RAD54L2: variants seen among roughly 807,000 people sequenced by gnomAD.
RAD54L2 encodes helicase ARIP4.
In RAD54L2, 27 loss-of-function variants were observed where a neutral mutation model predicts 138.4. The observed-to-expected ratio is 0.20, with a 90% confidence interval of 0.14 to 0.27. RAD54L2 has a LOEUF of 0.27. Among genes scored for constraint, RAD54L2 ranks in the 10% least tolerant of loss-of-function variants. RAD54L2 has a pLI of 1.00. For missense variants in RAD54L2, 1,396 were observed against 1,890.2 expected (o/e 0.74, Z 4.85); for synonymous variants, 644 against 723.2 (o/e 0.89, Z 1.76).
At position 51,577,051 on chromosome 3, in the gene RAD54L2, C is replaced by T. The variant is rs373426107; in HGVS notation, c.-54-13316C>T. On this transcript the variant is annotated intron_variant, in intron 2 of 22. Coordinates refer to ENST00000684192, the MANE Select transcript of RAD54L2 (RefSeq NM_015106.4). The stretch of plus-strand genomic sequence containing the variant: ...GAGATTCTGGTATGTTGTGTCTTTG[C>T]TCTCATTGGTTTCAAAGAACATCTT... Among the ~76,000 whole-genome samples, 32 of 152,224 alleles carry T rather than the reference C, an allele frequency of 2.1e-4. No homozygotes were observed. In the East Asian group the frequency reaches 5.2e-3, roughly 25 times the overall value.
chr3:51,635,854 A>G (rs761815710), intron 10 of RAD54L2, 65 bp downstream of exon 10: 16 of 1,438,242 alleles, frequency 1.1e-5, no homozygotes, highest in Non-Finnish European at 1.5e-5. Flanking sequence ...ATGTCTACTA[A>G]TAGCACCTAG....
Position 51,639,407 on chromosome 3 carries a change from C to T in RAD54L2, c.1861-12C>T. The T allele has an allele frequency of 6.2e-7, 1 of 1,612,948 alleles. No homozygotes were observed. Among genetic ancestry groups the T allele is most frequent in the Non-Finnish European group, 8.5e-7 (1 of 1,179,066 alleles). ...TTGTCCTGTGTCTCCTCTCCCTTTCCTTGAACCTCAGATCTGGAATCACCC... is the reference window on the plus strand; with the variant it reads ...TTGTCCTGTGTCTCCTCTCCCTTTCTTTGAACCTCAGATCTGGAATCACCC... On this transcript the variant is annotated splice_polypyrimidine_tract_variant and intron_variant, in intron 12 of 22. Coordinates refer to ENST00000684192, the MANE Select transcript of RAD54L2 (RefSeq NM_015106.4).
chr3:51,639,302 G>A (rs1559647850), intron 12 of RAD54L2, 117 bp from the exon 13 acceptor site: 2 of 1,268,790 alleles, frequency 1.6e-6, no homozygotes, highest in South Asian at 1.5e-5. Flanking sequence ...AATTTTTGGT[G>A]TGACAGTGTT....
Position 51,645,775 on chromosome 3 carries a change from G to A in RAD54L2, c.2829+12G>A, listed in dbSNP as rs774497360. ...ACCTCATCACCAAGGTAAGAACTTG[G>A]TATGCATGCAATCCCCAGAGTGGCA... On this transcript the variant is annotated intron_variant, in intron 18 of 22. Transcript: ENST00000684192. This position sits in a 1 kb window ranked among gnomAD's most constrained non-coding sequence, Gnocchi z 6.1. The A allele has an allele frequency of 6.3e-7, 1 of 1,599,416 alleles. No individual in the cohort carries two copies. Among genetic ancestry groups the A allele is most frequent in the Non-Finnish European group, 8.5e-7 (1 of 1,173,680 alleles).
intron 2 of RAD54L2, among the ~76,000 whole-genome samples, chr3:51,553,900 A>G (rs1394068403): frequency 2.0e-5 from 3 of 152,186 alleles, no homozygotes; most frequent in Non-Finnish European, 4.4e-5. Context: ...TATGTCTAAA[A>G]AAGCAATGTA....
intron 9 of RAD54L2, among the ~76,000 whole-genome samples, chr3:51,635,157 T>G (rs537224181): frequency 1.3e-5 from 2 of 152,330 alleles, no homozygotes; most frequent in South Asian, 4.1e-4. Flanking sequence ...TCTTTCCTCT[T>G]TACTGTTTGT....
At chr3:51,587,246 G>A (rs1441806400) in intron 2 of RAD54L2, among the ~76,000 whole-genome samples, 2 of 151,930 alleles carry the variant, frequency 1.3e-5, no homozygotes, top group Non-Finnish European at 2.9e-5. Flanking sequence ...GACTACAGGC[G>A]CCCGCCACCA....
chr3:51,659,528 G>T (rs945169196), intron 21 of RAD54L2, among the ~76,000 whole-genome samples: 6 of 152,200 alleles, frequency 3.9e-5, no homozygotes, highest in Non-Finnish European at 8.8e-5. Flanking sequence ...AGTGCCTTGT[G>T]GGAATAGAAT....
At chr3:51,633,222 AAAC>A (rs1329264122) in intron 7 of RAD54L2, among the ~76,000 whole-genome samples, 1 of 152,162 alleles carries the variant, frequency 6.6e-6, no homozygotes, top group Non-Finnish European at 1.5e-5. Context: ...TCTGTCTCAA[AAAC>A]AACAACAAAA....
intron 2 of RAD54L2, among the ~76,000 whole-genome samples, chr3:51,570,880 G>C (rs566472672): frequency 6.6e-6 from 1 of 152,150 alleles, no homozygotes; most frequent in East Asian, 1.9e-4. Flanking sequence ...GGAGTGCAAT[G>C]GCATGATCTT....
At chr3:51,615,001 A>ATTT (rs2106767248) in intron 3 of RAD54L2, among the ~76,000 whole-genome samples, 2 of 151,268 alleles carry the variant, frequency 1.3e-5, no homozygotes, top group African/African-American at 4.8e-5. Flanking sequence ...TAATTAATTA[A>ATTT]TATTTTATTT....
At chr3:51,628,117 C>G (rs1700736427) in intron 4 of RAD54L2, among the ~76,000 whole-genome samples, 1 of 152,164 alleles carries the variant, frequency 6.6e-6, no homozygotes, top group Admixed American at 6.5e-5. Flanking sequence ...GAGTTCTCAT[C>G]TTCTTAGACG....
At chr3:51,619,628 G>A (rs919726106) in intron 3 of RAD54L2, among the ~76,000 whole-genome samples, 3 of 151,882 alleles carry the variant, frequency 2.0e-5, no homozygotes, top group Non-Finnish European at 2.9e-5. Context: ...CTCAAATACA[G>A]TGTCATGGTT....
intron 2 of RAD54L2, among the ~76,000 whole-genome samples, chr3:51,565,527 G>C (rs1160287646): frequency 6.6e-6 from 1 of 152,190 alleles, no homozygotes; most frequent in Non-Finnish European, 1.5e-5. Flanking sequence ...CCACACTGGA[G>C]TGCAGTGGTG....
At chr3:51,636,337 A>G (rs1346661191) in intron 10 of RAD54L2, among the ~76,000 whole-genome samples, 2 of 152,154 alleles carry the variant, frequency 1.3e-5, no homozygotes, top group East Asian at 1.9e-4. Context: ...CTCTTCATCT[A>G]TGAGATTATG....
At chr3:51,605,740 C>T (rs1700167247) in intron 3 of RAD54L2, among the ~76,000 whole-genome samples, 1 of 152,198 alleles carries the variant, frequency 6.6e-6, no homozygotes, top group Admixed American at 6.6e-5. Flanking sequence ...GCATGGGTCA[C>T]TGCGCCCAGC....
At chr3:51,587,274 G>A (rs1027456550) in intron 2 of RAD54L2, among the ~76,000 whole-genome samples, 45 of 151,904 alleles carry the variant, frequency 3.0e-4, no homozygotes, top group African/African-American at 9.7e-4. Flanking sequence ...CTAATTTTTT[G>A]TATTTTTTAG....
chr3:51,648,410 A>C (rs920160969), intron 19 of RAD54L2, among the ~76,000 whole-genome samples: 13 of 152,260 alleles, frequency 8.5e-5, no homozygotes, highest in African/African-American at 1.2e-4. Flanking sequence ...CTGCAGACTT[A>C]AATGTTCCCC....
intron 2 of RAD54L2, 81 bp downstream of exon 2, chr3:51,541,731 C>T (rs536646687): frequency 1.1e-4 from 16 of 152,132 alleles, no homozygotes; most frequent in African/African-American, 3.9e-4. Context: ...ATGTTTTTTG[C>T]TTTGTTACTC....
Sources: allele counts gnomAD v4.1 joint callset (sites outside exome capture counted in the v4.1 genomes callset), GRCh38; gene constraint gnomAD v4.1.1; non-coding constraint Gnocchi (gnomAD v3.1); transcripts MANE v1.5; gene names NCBI Gene and HGNC (gene_info 2026-07-23, HGNC 2026-07-21).